Variants in GRM1 observed in about 807,000 individuals in gnomAD.
GRM1 encodes metabotropic glutamate receptor 1.
A neutral mutation model predicts 90.9 loss-of-function variants in GRM1; 33 were observed. The ratio of observed to expected loss-of-function variants is 0.36; its 90% CI spans 0.28 to 0.49. The LOEUF (loss-of-function observed/expected upper bound fraction) is 0.49. GRM1 is among the 20% of genes least tolerant of loss of function. GRM1 has a pLI of 0.99. For missense variants in GRM1, 1,190 were observed against 1,534.3 expected, an observed-to-expected ratio of 0.78 and a Z score of 3.75; for synonymous variants, 700 against 613.2, an observed-to-expected ratio of 1.14 and a Z score of -2.09.
At chr6:146,352,907 A>G (rs1785457850) in intron 4 of GRM1, among the ~76,000 whole-genome samples, 1 of 152,130 alleles carries the variant, frequency 6.6e-6, no homozygotes, top group South Asian at 2.1e-4. Flanking sequence ...AATATTTTGA[A>G]TATTACACCT....
At chr6:146,295,991 T>G (rs1183096467) in intron 2 of GRM1, among the ~76,000 whole-genome samples, 2 of 152,242 alleles carry the variant, frequency 1.3e-5, no homozygotes, top group Non-Finnish European at 2.9e-5. Flanking sequence ...TTTCTGTTCC[T>G]GCATTAGTTT....
At chr6:146,100,345 A>G (rs1365551126) in intron 1 of GRM1, among the ~76,000 whole-genome samples, 3 of 152,118 alleles carry the variant, frequency 2.0e-5, no homozygotes, top group African/African-American at 7.2e-5. Flanking sequence ...CTTTATAATG[A>G]CTACTTTTTC....
At chr6:146,432,693 T>C (rs1778458188) in intron 7 of GRM1, among the ~76,000 whole-genome samples, 1 of 152,226 alleles carries the variant, frequency 6.6e-6, no homozygotes, top group Admixed American at 6.5e-5. Context: ...AAGAAACAAT[T>C]ATTTCCTGAT....
intron 3 of GRM1, among the ~76,000 whole-genome samples, chr6:146,334,831 T>C (rs182341273): frequency 4.1e-4 from 62 of 152,220 alleles, no homozygotes; most frequent in African/African-American, 1.5e-3. Flanking sequence ...CACTAATAAA[T>C]CACCATAAGC....
intron 1 of GRM1, among the ~76,000 whole-genome samples, chr6:146,132,334 A>G (rs1776435823): frequency 6.6e-6 from 1 of 152,228 alleles, no homozygotes; most frequent in Non-Finnish European, 1.5e-5. Context: ...GAGCGAGCCA[A>G]TGAAGACTTA....
chr6:146,419,177 A>ACCTAAACATTATCAAAGAAACAGAT (rs1777898754), intron 7 of GRM1, among the ~76,000 whole-genome samples: 1 of 152,204 alleles, frequency 6.6e-6, no homozygotes, highest in Non-Finnish European at 1.5e-5. Flanking sequence ...CCTTTAGGGA[A>ACCTAAACATTATCAAAGAAACAGAT]CCTAAACATT....
chr6:146,177,969 C>T (rs1278586582), intron 2 of GRM1, among the ~76,000 whole-genome samples: 4 of 152,164 alleles, frequency 2.6e-5, no homozygotes, highest in Non-Finnish European at 2.9e-5. Flanking sequence ...TTCCCCTATA[C>T]TCAGCACTCA....
intron 2 of GRM1, among the ~76,000 whole-genome samples, chr6:146,219,584 T>C (rs1583180998): frequency 6.6e-6 from 1 of 152,250 alleles, no homozygotes; most frequent in Non-Finnish European, 1.5e-5. Flanking sequence ...AATATTGGTA[T>C]GTAAGACATA....
intron 2 of GRM1, among the ~76,000 whole-genome samples, chr6:146,273,182 T>C (rs1782233594): frequency 6.6e-6 from 1 of 152,180 alleles, no homozygotes; most frequent in South Asian, 2.1e-4. Flanking sequence ...CTCTGGTATT[T>C]GAATTAACTA....
chr6:146,266,827 A>G (rs1383961270), intron 2 of GRM1, among the ~76,000 whole-genome samples: 1 of 152,188 alleles, frequency 6.6e-6, no homozygotes, highest in African/African-American at 2.4e-5. Context: ...GTCCCTGTTG[A>G]ATAGCCTTCC....
At chr6:146,123,074 A>G (rs1776058999) in intron 1 of GRM1, among the ~76,000 whole-genome samples, 1 of 151,160 alleles carries the variant, frequency 6.6e-6, no homozygotes, top group South Asian at 2.1e-4. Flanking sequence ...CCAACTCCTG[A>G]CCTCGTGATC....
intron 2 of GRM1, among the ~76,000 whole-genome samples, chr6:146,200,115 A>AT (rs1431468971): frequency 6.6e-6 from 1 of 152,104 alleles, no homozygotes; most frequent in Non-Finnish European, 1.5e-5. Context: ...CTAAACTAAA[A>AT]TTTTCCTGGG....
At chr6:146,398,647 A>G (rs1219623155) in intron 6 of GRM1, 122 bp from the exon 7 acceptor site, 1 of 792,738 alleles carries the variant, frequency 1.3e-6, no homozygotes, top group East Asian at 2.4e-5. Flanking sequence ...TTTTTAAAAA[A>G]GCATTAAATG....
In GRM1 at chr6:146,029,967, C is replaced by A. The variant is rs1360651452; in HGVS notation, c.450C>A (p.Gly150=). The A allele has an allele frequency of 6.2e-7, 1 of 1,614,106 alleles. No individual in the cohort carries two copies. Among genetic ancestry groups the A allele is most frequent in the Non-Finnish European group, 8.5e-7 (1 of 1,179,966 alleles). ...CTGACGGCCAGTCCCTCCCCCCAGGCAGGACTAAGAAGCCCATTGCGGGAG... is the reference window on the plus strand; with the variant it reads ...CTGACGGCCAGTCCCTCCCCCCAGGAAGGACTAAGAAGCCCATTGCGGGAG... ...CLPDGQSLPP[G]RTKKPIAGVI... Residue 150 remains glycine (G), a synonymous_variant, in exon 1 of 8, where the codon GGC becomes GGA. Coordinates refer to ENST00000282753, the MANE Select transcript of GRM1 (RefSeq NM_001278064.2).
At chr6:146,217,577 G>A (rs1779916217) in intron 2 of GRM1, among the ~76,000 whole-genome samples, 1 of 152,140 alleles carries the variant, frequency 6.6e-6, no homozygotes, top group Admixed American at 6.6e-5. Flanking sequence ...CAACAATAGA[G>A]TCATTCATTT....
chr6:146,154,907 T>A (rs1405154953), intron 1 of GRM1, among the ~76,000 whole-genome samples: 2 of 152,214 alleles, frequency 1.3e-5, no homozygotes, highest in Admixed American at 1.3e-4. Flanking sequence ...AAAAAAATAA[T>A]GTTTCATTTT....
At chr6:146,115,105 GA>G (rs1775691788) in intron 1 of GRM1, among the ~76,000 whole-genome samples, 1 of 151,974 alleles carries the variant, frequency 6.6e-6, no homozygotes, top group Non-Finnish European at 1.5e-5. Flanking sequence ...CAAACCTACA[GA>G]TTTGAAAAGT....
At chr6:146,300,159 A>G (rs1783321805) in intron 2 of GRM1, among the ~76,000 whole-genome samples, 1 of 152,188 alleles carries the variant, frequency 6.6e-6, no homozygotes, top group African/African-American at 2.4e-5. Flanking sequence ...TCAGGTACAC[A>G]CAATTACTTG....
At chr6:146,050,475 T>C (rs1791486037) in intron 1 of GRM1, among the ~76,000 whole-genome samples, 1 of 152,050 alleles carries the variant, frequency 6.6e-6, no homozygotes, top group African/African-American at 2.4e-5. Context: ...CTGGAAATGA[T>C]GATAAAAAGA....
Sources: allele counts gnomAD v4.1 joint callset (sites outside exome capture counted in the v4.1 genomes callset), GRCh38; gene constraint gnomAD v4.1.1; transcripts MANE v1.5; gene names NCBI Gene and HGNC (gene_info 2026-07-23, HGNC 2026-07-21).